The following SHISA6 variants were observed in gnomAD, a reference collection of about 807,000 sequenced individuals.
The protein encoded by SHISA6 is shisa family member 6, also known as protein shisa-6.
Under a neutral mutation model 47.9 loss-of-function variants are expected in SHISA6, and 22 were observed. That is an observed-to-expected ratio of 0.46 (90% confidence interval 0.33 to 0.66). The LOEUF (loss-of-function observed/expected upper bound fraction) is 0.66. SHISA6 is among the 30% of genes least tolerant of loss of function. The pLI is 0.02. For missense variants in SHISA6, 680 were observed against 764.6 expected (o/e 0.89, Z 1.30); for synonymous variants, 388 against 337.8 (o/e 1.15, Z -1.63).
intron 2 of SHISA6, among the ~76,000 whole-genome samples, chr17:11,327,947 GTCTC>G (rs35735045): frequency 1.3e-5 from 2 of 150,574 alleles, no homozygotes; most frequent in East Asian, 3.9e-4. Flanking sequence ...CTGTCTCTCT[GTCTC>G]TCTCTCTCTC....
At chr17:11,481,130 T>C (rs1363731685) in intron 3 of SHISA6, among the ~76,000 whole-genome samples, 1 of 151,094 alleles carries the variant, frequency 6.6e-6, no homozygotes. Flanking sequence ...AATGTGAAAA[T>C]CAGCCAGGTG....
At position 11,552,036 on chromosome 17, in the gene SHISA6, A is replaced by T; in HGVS notation, c.952+84A>T. ...AGGATGGATGCCTATCAGGGCATCA[A>T]ACACACGGTCATAAACTCACTGAAG... On this transcript the variant is annotated intron_variant, in intron 4 of 5. Transcript: ENST00000441885. 8 of 1,421,002 alleles carry T rather than the reference A, an allele frequency of 5.6e-6. No homozygotes were observed. In the South Asian group the frequency reaches 9.8e-5, roughly 17 times the overall value. 88.0% of individuals were successfully genotyped at this position (1,421,002 alleles called of 1,614,324 possible).
chr17:11,358,504 C>T (rs1467731030), intron 2 of SHISA6, among the ~76,000 whole-genome samples: 5 of 151,068 alleles, frequency 3.3e-5, no homozygotes, highest in African/African-American at 7.3e-5. Context: ...GGACTACAGG[C>T]GCCCGCCACT....
chr17:11,354,043 C>T (rs1911993112), intron 2 of SHISA6, among the ~76,000 whole-genome samples: 1 of 152,112 alleles, frequency 6.6e-6, no homozygotes, highest in South Asian at 2.1e-4. Flanking sequence ...TGTGCATTTT[C>T]AGATGTTTAT....
At chr17:11,495,865 A>G (rs1290898016) in intron 3 of SHISA6, among the ~76,000 whole-genome samples, 1 of 152,228 alleles carries the variant, frequency 6.6e-6, no homozygotes, top group East Asian at 1.9e-4. Context: ...CCAGACTTCT[A>G]AATCACACAG....
chr17:11,245,094 T>G (rs1330388112), intron 1 of SHISA6, among the ~76,000 whole-genome samples: 1 of 152,242 alleles, frequency 6.6e-6, no homozygotes, highest in East Asian at 1.9e-4. Context: ...GACCTTGCTA[T>G]CGTGTTTCTG....
chr17:11,405,349 C>G (rs1292159389), intron 3 of SHISA6, among the ~76,000 whole-genome samples: 1 of 152,076 alleles, frequency 6.6e-6, no homozygotes, highest in Non-Finnish European at 1.5e-5. Flanking sequence ...TTGAGGTAGC[C>G]AAGGTGTAGA....
Position 11,560,226 on chromosome 17 carries a change from C to T in SHISA6, c.*1922C>T, listed in dbSNP as rs1290251892. 6.6e-6 allele frequency: 1 copy of T among 152,226 alleles called. No homozygotes were observed. The highest frequency in any genetic ancestry group is 1.5e-5 in the Non-Finnish European group (1 of 68,130). 9.4% of individuals were successfully genotyped at this position (152,226 alleles called of 1,614,324 possible). ...TGCAGGGTGTGCCTCCCAACAGGAA[C>T]AGGAAACCATCACCCTGGATCTTAG... On this transcript the variant is annotated 3_prime_UTR_variant, in exon 6 of 6. Coordinates refer to ENST00000441885, the MANE Select transcript of SHISA6 (RefSeq NM_207386.4).
intron 2 of SHISA6, among the ~76,000 whole-genome samples, chr17:11,274,696 G>T (rs571572320): frequency 3.3e-5 from 5 of 152,184 alleles, no homozygotes; most frequent in Admixed American, 6.5e-5. Flanking sequence ...TGAACACTTC[G>T]TTAGGGCCTA....
intron 3 of SHISA6, among the ~76,000 whole-genome samples, chr17:11,405,575 G>A (rs1301426355): frequency 6.6e-5 from 10 of 152,090 alleles, no homozygotes; most frequent in African/African-American, 2.2e-4. Context: ...AGGCCGAGGC[G>A]GGTGGATCAC....
chr17:11,364,966 G>C (rs1253717199), intron 2 of SHISA6, among the ~76,000 whole-genome samples: 1 of 152,066 alleles, frequency 6.6e-6, no homozygotes, highest in Non-Finnish European at 1.5e-5. Context: ...ATCTGTATTT[G>C]AGCCCTAGGT....
chr17:11,515,197 T>A (rs1304173138), intron 3 of SHISA6, among the ~76,000 whole-genome samples: 7 of 145,826 alleles, frequency 4.8e-5, no homozygotes, highest in Admixed American at 2.1e-4. Context: ...TAGCTGGGAT[T>A]GCACAACTGC....
At chr17:11,428,948 T>C (rs1251009277) in intron 3 of SHISA6, among the ~76,000 whole-genome samples, 1 of 151,376 alleles carries the variant, frequency 6.6e-6, no homozygotes, top group Non-Finnish European at 1.5e-5. Flanking sequence ...CCACGCCCGG[T>C]TAATTTTTTG....
intron 2 of SHISA6, among the ~76,000 whole-genome samples, chr17:11,274,476 G>A (rs527237806): frequency 1.3e-5 from 2 of 152,342 alleles, no homozygotes; most frequent in East Asian, 1.9e-4. Flanking sequence ...CAGGAAGTGA[G>A]GGAGAGCAGC....
intron 3 of SHISA6, among the ~76,000 whole-genome samples, chr17:11,483,454 T>A (rs1015541100): frequency 2.0e-5 from 3 of 152,186 alleles, no homozygotes; most frequent in Admixed American, 2.0e-4. Flanking sequence ...AAAGTATAGC[T>A]TTATGTTATC....
At chr17:11,243,482 C>T (rs924171050) in intron 1 of SHISA6, among the ~76,000 whole-genome samples, 7 of 152,154 alleles carry the variant, frequency 4.6e-5, no homozygotes, top group African/African-American at 1.4e-4. Context: ...CTGTCTTCCA[C>T]TTGCACCTCA....
In SHISA6 at chr17:11,561,903, G is replaced by A. The variant is rs1209685534; in HGVS notation, c.*3599G>A. The A allele has an allele frequency of 6.6e-6, 1 of 152,140 alleles. No homozygotes were observed. The highest frequency in any genetic ancestry group is 1.5e-5 in the Non-Finnish European group (1 of 68,108). The allele number at this position is 152,140 out of a possible 1,614,324, so 9.4% of individuals were successfully genotyped here. ...TGATACCCCAGTGCACGGAGCCAAG[G>A]GCTTTTCCCCTCTGAGCTCTGGGAG... On this transcript the variant is annotated 3_prime_UTR_variant, in exon 6 of 6. Transcript: ENST00000441885.
At chr17:11,400,839 A>G (rs1261926930) in intron 3 of SHISA6, among the ~76,000 whole-genome samples, 1 of 152,170 alleles carries the variant, frequency 6.6e-6, no homozygotes, top group Non-Finnish European at 1.5e-5. Flanking sequence ...TTTTTCACCG[A>G]CTTGACTTTT....
intron 2 of SHISA6, among the ~76,000 whole-genome samples, chr17:11,282,553 C>A (rs2005813): frequency 2.0e-5 from 3 of 151,992 alleles, no homozygotes; most frequent in South Asian, 4.1e-4. Flanking sequence ...CCCCCAGTCC[C>A]CCACCTGCCG....
Sources: allele counts gnomAD v4.1 joint callset (sites outside exome capture counted in the v4.1 genomes callset), GRCh38; gene constraint gnomAD v4.1.1; transcripts MANE v1.5; gene names NCBI Gene and HGNC (gene_info 2026-07-23, HGNC 2026-07-21).